Variants in FGF14 observed in about 807,000 individuals in gnomAD.
FGF14 encodes the protein fibroblast growth factor 14.
In FGF14, 5 loss-of-function variants were observed where a neutral mutation model predicts 25.5. The observed-to-expected ratio is 0.20, with a 90% CI of 0.10 to 0.41. The LOEUF is 0.41. FGF14 is among the 10% of genes least tolerant of loss of function. FGF14 has a pLI of 1.00. For synonymous variants in FGF14, 138 were observed against 118.3 expected, an observed-to-expected ratio of 1.17 and a Z score of -1.08; for missense variants, 222 against 320.1, an observed-to-expected ratio of 0.69 and a Z score of 2.34.
intron 1 of FGF14, among the ~76,000 whole-genome samples, chr13:101,937,431 C>T (rs1177958913): frequency 6.6e-6 from 1 of 152,026 alleles, no homozygotes; most frequent in African/African-American, 2.4e-5. Flanking sequence ...CACAGAGATC[C>T]CAGGGTTGTG....
intron 1 of FGF14, among the ~76,000 whole-genome samples, chr13:102,195,591 C>CA (rs1407656745): frequency 1.4e-5 from 2 of 144,046 alleles, no homozygotes; most frequent in African/African-American, 4.9e-5. Context: ...AACAAACAAA[C>CA]AAAAAAAGAC....
chr13:102,331,787 T>G (rs143139457), intron 1 of FGF14, among the ~76,000 whole-genome samples: 1 of 152,166 alleles, frequency 6.6e-6, no homozygotes, highest in African/African-American at 2.4e-5. Context: ...ATTGGTAGTA[T>G]AGCATCCTTA....
chr13:102,336,355 C>T (rs1220369418), intron 1 of FGF14, among the ~76,000 whole-genome samples: 5 of 152,122 alleles, frequency 3.3e-5, no homozygotes, highest in African/African-American at 4.8e-5. Context: ...ACAACATTCC[C>T]GTAAGCCAAA....
At chr13:101,991,399 T>C (rs1273849712) in intron 1 of FGF14, among the ~76,000 whole-genome samples, 3 of 152,134 alleles carry the variant, frequency 2.0e-5, no homozygotes, top group African/African-American at 7.2e-5. Context: ...GGATTGTTGC[T>C]AGATTAAGGA....
chr13:101,977,827 T>C (rs1226310321), intron 1 of FGF14, among the ~76,000 whole-genome samples: 1 of 152,096 alleles, frequency 6.6e-6, no homozygotes, highest in Non-Finnish European at 1.5e-5. Flanking sequence ...CCATTTTATA[T>C]AAGTCCATTT....
intron 1 of FGF14, among the ~76,000 whole-genome samples, chr13:102,050,769 AG>A (rs1343742566): frequency 6.6e-6 from 1 of 152,160 alleles, no homozygotes; most frequent in Admixed American, 6.5e-5. Flanking sequence ...GCAGCAATAC[AG>A]TAGAGAGAAA....
intron 1 of FGF14, among the ~76,000 whole-genome samples, chr13:101,878,555 T>G (rs79247185): frequency 0.03 from 4,598 of 152,174 alleles, 224 homozygotes; most frequent in African/African-American, 0.11. Context: ...GGATTAGAGG[T>G]GATACGAATA....
chr13:102,015,278 C>T (rs183700254), intron 1 of FGF14, among the ~76,000 whole-genome samples: 4 of 152,254 alleles, frequency 2.6e-5, no homozygotes, highest in Admixed American at 1.3e-4. Context: ...TTATTTACCA[C>T]GCATCTGTCT....
intron 1 of FGF14, among the ~76,000 whole-genome samples, chr13:102,080,427 T>C (rs2043563881): frequency 6.6e-6 from 1 of 152,192 alleles, no homozygotes; most frequent in African/African-American, 2.4e-5. Context: ...ACAAGCCTTT[T>C]AGACGAGTCT....
At chr13:102,275,262 TTCTCTCTCTCTCTC>T (rs56028235) in intron 1 of FGF14, among the ~76,000 whole-genome samples, 1 of 68,916 alleles carries the variant, frequency 1.5e-5, no homozygotes, top group Admixed American at 2.0e-4. Context: ...CTCTCTCTCT[TTCTCTCTCTCTCTC>T]TCTCTCTCTC....
rs191599453 is a variant in FGF14 at position 102,051,819 on chromosome 13, C to T, written c.209-176523G>A. Among the ~76,000 whole-genome samples, 4 of 152,182 alleles carry T rather than the reference C, an allele frequency of 2.6e-5. No homozygotes were observed. In the East Asian group the frequency reaches 7.7e-4, roughly 29 times the overall value. Reference sequence around the variant, plus strand: ...GAGTCTGAAAGTGGTGAATACTCCACCAAATACATACACATCAATGTCAAT... The same window carrying T: ...GAGTCTGAAAGTGGTGAATACTCCATCAAATACATACACATCAATGTCAAT... On this transcript the variant is annotated intron_variant, in intron 1 of 4. Coordinates refer to the FGF14 transcript ENST00000376131.
At chr13:101,898,939 G>A (rs1346134643) in intron 1 of FGF14, among the ~76,000 whole-genome samples, 1 of 152,180 alleles carries the variant, frequency 6.6e-6, no homozygotes. Flanking sequence ...TGCTTCAAAA[G>A]TGGAGGAAGG....
intron 1 of FGF14, among the ~76,000 whole-genome samples, chr13:102,028,011 G>A (rs2041019187): frequency 1.3e-5 from 2 of 151,746 alleles, no homozygotes; most frequent in African/African-American, 4.8e-5. Flanking sequence ...GTTTTGATTT[G>A]GTGTCCTTTC....
At chr13:102,033,019 G>A (rs1321903824) in intron 1 of FGF14, among the ~76,000 whole-genome samples, 1 of 152,080 alleles carries the variant, frequency 6.6e-6, no homozygotes. Flanking sequence ...GACCACAGCT[G>A]TGTATTCACT....
At chr13:102,389,218 A>C (rs2058376597) in intron 1 of FGF14, among the ~76,000 whole-genome samples, 1 of 152,100 alleles carries the variant, frequency 6.6e-6, no homozygotes, top group South Asian at 2.1e-4. Context: ...CAAAGACCAA[A>C]CCTTTATAGA....
At chr13:101,935,677 C>T (rs755044028) in intron 1 of FGF14, among the ~76,000 whole-genome samples, 11 of 152,140 alleles carry the variant, frequency 7.2e-5, no homozygotes, top group Non-Finnish European at 1.2e-4. Flanking sequence ...TCAATTAAAC[C>T]TCTTTCCTTT....
chr13:102,270,000 C>T (rs1347303975), intron 1 of FGF14, among the ~76,000 whole-genome samples: 1 of 152,150 alleles, frequency 6.6e-6, no homozygotes, highest in Non-Finnish European at 1.5e-5. Context: ...TCCATTATTT[C>T]ACCAGTACCT....
chr13:101,899,747 A>G (rs149605077), intron 1 of FGF14, among the ~76,000 whole-genome samples: 4 of 152,202 alleles, frequency 2.6e-5, no homozygotes, highest in Non-Finnish European at 5.9e-5. Context: ...ATATTAGCCT[A>G]TAAAGAATGA....
chr13:101,750,555 T>C (rs1163413142), intron 3 of FGF14, among the ~76,000 whole-genome samples: 2 of 152,136 alleles, frequency 1.3e-5, no homozygotes, highest in South Asian at 2.1e-4. Flanking sequence ...GAAAATAATA[T>C]TGTGAATAAC....
Sources: gnomAD v4.1 joint callset for allele counts (sites outside exome capture counted in the v4.1 genomes callset) on GRCh38, gnomAD v4.1.1 for gene constraint, MANE v1.5 for transcripts, NCBI Gene and HGNC (gene_info 2026-07-23, HGNC 2026-07-21) for gene names.